Variants in DOCK3 observed in about 807,000 individuals in gnomAD.
DOCK3 encodes the protein dedicator of cytokinesis 3.
DOCK3 carries 60 observed loss-of-function variants against 265.6 expected under a neutral mutation model. That is an observed-to-expected ratio of 0.23 (90% CI 0.18 to 0.28). DOCK3 has a LOEUF of 0.28. Ranked by LOEUF, DOCK3 falls within the 10% of genes least tolerant of loss-of-function variation. The pLI is 1.00. For missense variants in DOCK3, 1,981 were observed against 2,594.3 expected (o/e 0.76, Z 5.14); for synonymous variants, 881 against 938.0 (o/e 0.94, Z 1.11).
chr3:51,326,559 C>T (rs895048661), intron 32 of DOCK3, among the ~76,000 whole-genome samples: 3 of 151,296 alleles, frequency 2.0e-5, no homozygotes, highest in African/African-American at 7.3e-5. Flanking sequence ...GGATTACAGG[C>T]GTGAGCCCCC....
chr3:50,841,452 G>A (rs2045820851), intron 2 of DOCK3, among the ~76,000 whole-genome samples: 2 of 152,106 alleles, frequency 1.3e-5, no homozygotes, highest in South Asian at 4.1e-4. Flanking sequence ...ATTTTACTCA[G>A]TTGAAAGGGC....
chr3:51,200,765 A>G (rs970526974), intron 12 of DOCK3, among the ~76,000 whole-genome samples: 1 of 152,094 alleles, frequency 6.6e-6, no homozygotes, highest in African/African-American at 2.4e-5. Flanking sequence ...TGTTAAGGGC[A>G]GCCAGAGAGA....
rs1174771606 is a variant in DOCK3 at position 51,374,598 on chromosome 3, C to T, written c.5412+11C>T. On this transcript the variant is annotated intron_variant, in intron 50 of 52. Coordinates refer to ENST00000266037, the MANE Select transcript of DOCK3 (RefSeq NM_004947.5). This position sits in a 1 kb window ranked among gnomAD's most constrained non-coding sequence, Gnocchi z 4.8. ...CTGGAGAACGGACAGGTAATAGACCCACCACACTGACTGTCCTCTGCTGCA... is the reference window on the plus strand; with the variant it reads ...CTGGAGAACGGACAGGTAATAGACCTACCACACTGACTGTCCTCTGCTGCA... The T allele has an allele frequency of 6.2e-7, 1 of 1,602,264 alleles. No individual in the cohort carries two copies. The highest frequency in any genetic ancestry group is 1.3e-5 in the African/African-American group (1 of 74,618).
At chr3:50,786,521 G>A (rs571380893) in intron 2 of DOCK3, among the ~76,000 whole-genome samples, 3 of 152,250 alleles carry the variant, frequency 2.0e-5, no homozygotes, top group African/African-American at 7.2e-5. Context: ...TAACACATGG[G>A]AACTTATCTC....
intron 51 of DOCK3, chr3:51,379,316 A>T: frequency 1.1e-6 from 1 of 911,304 alleles, no homozygotes; most frequent in Non-Finnish European, 1.3e-6. Context: ...CAGCGTTTTT[A>T]GTTCCAGGTG....
chr3:50,864,081 G>A (rs1445042132), intron 3 of DOCK3, among the ~76,000 whole-genome samples: 2 of 152,118 alleles, frequency 1.3e-5, no homozygotes, highest in African/African-American at 4.8e-5. Flanking sequence ...TGCCAACAGT[G>A]TATGTGCTTT....
intron 5 of DOCK3, among the ~76,000 whole-genome samples, chr3:51,022,942 T>G (rs1379723928): frequency 6.6e-6 from 1 of 152,164 alleles, no homozygotes; most frequent in Non-Finnish European, 1.5e-5. Context: ...ATAGTGTACT[T>G]TCTCCATTGT....
intron 3 of DOCK3, among the ~76,000 whole-genome samples, chr3:50,886,185 G>GATATATATATATATAT (rs1491509664): frequency 8.3e-6 from 1 of 121,034 alleles, no homozygotes; most frequent in Non-Finnish European, 1.9e-5. Context: ...TTTTATTTTG[G>GATATATATATATATAT]AGATATATAT....
chr3:51,002,850 A>G (rs2078535809), intron 5 of DOCK3, among the ~76,000 whole-genome samples: 1 of 152,108 alleles, frequency 6.6e-6, no homozygotes, highest in Non-Finnish European at 1.5e-5. Context: ...TTTTTTTCTT[A>G]AGCTATATTT....
At chr3:51,357,939 G>A (rs375542124) in intron 45 of DOCK3, 22 bp from the exon 46 acceptor site, 204 of 1,613,590 alleles carry the variant, frequency 1.3e-4, no homozygotes, top group Non-Finnish European at 1.5e-4. Flanking sequence ...TCACAGAGTG[G>A]CCTTGTTTGT....
intron 5 of DOCK3, among the ~76,000 whole-genome samples, chr3:50,948,601 CTCTTT>C (rs779817706): frequency 7.9e-5 from 12 of 151,276 alleles, no homozygotes; most frequent in African/African-American, 1.2e-4. Context: ...TCTCTTCTTT[CTCTTT>C]TCTTTTCTTT....
At chr3:51,220,697 G>GTGTGTA (rs1290851268) in intron 14 of DOCK3, among the ~76,000 whole-genome samples, 1 of 135,554 alleles carries the variant, frequency 7.4e-6, no homozygotes, top group Non-Finnish European at 1.5e-5. Context: ...ATGTGTGTGT[G>GTGTGTA]TGTGTGTGTG....
chr3:50,999,612 A>C (rs1372779743), intron 5 of DOCK3, among the ~76,000 whole-genome samples: 2 of 152,140 alleles, frequency 1.3e-5, no homozygotes, highest in African/African-American at 4.8e-5. Context: ...CTTTCTTGGT[A>C]CTCAGGATTC....
intron 35 of DOCK3, among the ~76,000 whole-genome samples, chr3:51,337,159 C>T (rs1018764760): frequency 6.6e-5 from 10 of 152,206 alleles, no homozygotes; most frequent in Non-Finnish European, 1.2e-4. Context: ...GGCCTTGGTT[C>T]CAAACCTCTC....
At position 50,711,259 on chromosome 3, in the gene DOCK3, T is replaced by C. The variant is rs537830133; in HGVS notation, c.37+35959T>C. Among the ~76,000 whole-genome samples the C allele has an allele frequency of 4.0e-5, 6 of 150,156 alleles. No homozygotes were observed. In the South Asian group the frequency reaches 1.3e-3, roughly 32 times the overall value. ...TAAAAATCCTACTTGTAATGTTGCT[T>C]AGTCCTTTTTTTTTTTTTTTGAGAC... On this transcript the variant is annotated intron_variant, in intron 1 of 52. Coordinates refer to ENST00000266037, the MANE Select transcript of DOCK3 (RefSeq NM_004947.5).
intron 27 of DOCK3, among the ~76,000 whole-genome samples, chr3:51,303,010 A>G (rs890676426): frequency 7.2e-5 from 11 of 152,152 alleles, no homozygotes; most frequent in African/African-American, 2.2e-4. Context: ...ATCCTGAAGT[A>G]TGTTTTTCAT....
intron 21 of DOCK3, 93 bp downstream of exon 21, chr3:51,237,683 C>CAGCTGACTTTTTAAAAATTTT: frequency 8.9e-7 from 1 of 1,128,894 alleles, no homozygotes; most frequent in Non-Finnish European, 1.3e-6. Flanking sequence ...TTAAAAAGTT[C>CAGCTGACTTTTTAAAAATTTT]AGCTGACTTT....
intron 1 of DOCK3, among the ~76,000 whole-genome samples, chr3:50,733,679 C>T (rs1483918538): frequency 2.0e-5 from 3 of 152,132 alleles, no homozygotes; most frequent in Non-Finnish European, 4.4e-5. Context: ...TCCATTTGGC[C>T]ACTCTGTGTC....
intron 3 of DOCK3, among the ~76,000 whole-genome samples, chr3:50,844,951 G>A (rs1226398432): frequency 1.3e-5 from 2 of 152,150 alleles, no homozygotes; most frequent in Non-Finnish European, 2.9e-5. Context: ...GGCCAGGCAC[G>A]GTAGCTCTTG....
Sources: allele counts gnomAD v4.1 joint callset (sites outside exome capture counted in the v4.1 genomes callset), GRCh38; gene constraint gnomAD v4.1.1; non-coding constraint Gnocchi (gnomAD v3.1); transcripts MANE v1.5; gene names NCBI Gene and HGNC (gene_info 2026-07-23, HGNC 2026-07-21).